GRIP1: variants seen among roughly 807,000 people sequenced by gnomAD.
GRIP1 encodes glutamate receptor interacting protein 1, also known as glutamate receptor-interacting protein 1.
A neutral mutation model predicts 129.9 loss-of-function variants in GRIP1; 45 were observed. That is an observed-to-expected ratio of 0.35 (90% CI 0.27 to 0.44). The LOEUF is 0.44. Among genes scored for constraint, GRIP1 ranks in the 20% least tolerant of loss-of-function variants. The pLI is 1.00. For missense variants in GRIP1, 1,196 were observed against 1,396.8 expected (o/e 0.86, Z 2.29); for synonymous variants, 530 against 520.8 (o/e 1.02, Z -0.24).
chr12:66,945,587 C>T (rs2041655632), intron 1 of GRIP1, among the ~76,000 whole-genome samples: 2 of 152,096 alleles, frequency 1.3e-5, no homozygotes, highest in East Asian at 3.9e-4. Context: ...GGAGGTGCCA[C>T]ATACTTTGAA....
chr12:66,408,998 T>C (rs907214951), intron 15 of GRIP1, among the ~76,000 whole-genome samples: 1 of 152,008 alleles, frequency 6.6e-6, no homozygotes, highest in African/African-American at 2.4e-5. Flanking sequence ...AGCTCAGCTA[T>C]AGTAGAATAG....
chr12:66,533,667 A>G (rs1362814545), intron 4 of GRIP1, among the ~76,000 whole-genome samples: 1 of 152,018 alleles, frequency 6.6e-6, no homozygotes, highest in Non-Finnish European at 1.5e-5. Context: ...ACAAAAATAC[A>G]TAAATATCTA....
intron 1 of GRIP1, among the ~76,000 whole-genome samples, chr12:66,976,741 G>C (rs2042158096): frequency 1.3e-5 from 2 of 152,174 alleles, no homozygotes; most frequent in Non-Finnish European, 2.9e-5. Context: ...GAGTAAGTAT[G>C]ATGTGTCTGG....
At chr12:66,491,940 A>G (rs1239241871) in intron 7 of GRIP1, among the ~76,000 whole-genome samples, 4 of 152,214 alleles carry the variant, frequency 2.6e-5, no homozygotes, top group Non-Finnish European at 5.9e-5. Flanking sequence ...TCGGGGCTGG[A>G]TAAGTGATTC....
intron 15 of GRIP1, among the ~76,000 whole-genome samples, chr12:66,411,558 C>G (rs1026540073): frequency 7.2e-5 from 11 of 152,130 alleles, no homozygotes; most frequent in African/African-American, 2.7e-4. Flanking sequence ...ACTCAAAAAG[C>G]CAGAGTGCTT....
intron 1 of GRIP1, among the ~76,000 whole-genome samples, chr12:66,626,284 G>T (rs1181136196): frequency 6.6e-6 from 1 of 151,102 alleles, no homozygotes; most frequent in Non-Finnish European, 1.5e-5. Flanking sequence ...AGGTTGCAGT[G>T]AGCTGAGACC....
At chr12:67,014,020 C>T (rs1033128790) in intron 1 of GRIP1, among the ~76,000 whole-genome samples, 6 of 152,168 alleles carry the variant, frequency 3.9e-5, no homozygotes, top group African/African-American at 1.4e-4. Flanking sequence ...AGATGTAAAA[C>T]TTAAAAATAC....
rs1379270097 is a variant in GRIP1, at chr12:66,880,061, G to A, written c.58+188989C>T. Among the ~76,000 whole-genome samples, 9 of 152,086 alleles carry A rather than the reference G, an allele frequency of 5.9e-5. No homozygotes were observed. The South Asian group carries it at 1.0e-3, about 18-fold the overall frequency. ...TGTGCAGGGGCGAGAAGGAAATGAG[G>A]GTAGCTGATGATGAGGCACAGAGAG... On this transcript the variant is annotated intron_variant, in intron 1 of 1. Transcript: ENST00000643019.
chr12:66,687,380 G>A (rs2034821908), intron 1 of GRIP1, among the ~76,000 whole-genome samples: 1 of 151,960 alleles, frequency 6.6e-6, no homozygotes, highest in South Asian at 2.1e-4. Flanking sequence ...AATTAAACAT[G>A]GGCAATAGGA....
chr12:66,721,961 G>T (rs942718630), intron 1 of GRIP1, among the ~76,000 whole-genome samples: 8 of 152,198 alleles, frequency 5.3e-5, no homozygotes, highest in Non-Finnish European at 1.0e-4. Flanking sequence ...CAGAATGGAA[G>T]AGGGTTAGGG....
chr12:66,531,235 CAAAAAA>C (rs1168836647), intron 4 of GRIP1, among the ~76,000 whole-genome samples: 21 of 16,424 alleles, frequency 1.3e-3, no homozygotes, highest in African/African-American at 4.0e-3. Flanking sequence ...GACTCTGTCT[CAAAAAA>C]AAAAAAAAAA....
At chr12:66,715,992 A>G (rs1203340889) in intron 1 of GRIP1, among the ~76,000 whole-genome samples, 2 of 151,896 alleles carry the variant, frequency 1.3e-5, no homozygotes, top group Non-Finnish European at 2.9e-5. Context: ...ATTTATTTAT[A>G]CCCATTTCTG....
intron 2 of GRIP1, among the ~76,000 whole-genome samples, chr12:66,580,501 C>T (rs1295613236): frequency 6.6e-6 from 1 of 152,066 alleles, no homozygotes; most frequent in Non-Finnish European, 1.5e-5. Flanking sequence ...GTGTGTTGTA[C>T]TCAGGAAACC....
intron 5 of GRIP1, among the ~76,000 whole-genome samples, chr12:66,527,537 T>C (rs1029401691): frequency 1.3e-5 from 2 of 149,526 alleles, no homozygotes; most frequent in Non-Finnish European, 3.0e-5. Flanking sequence ...GGTGTGGGGA[T>C]GGGGGAGGGA....
chr12:66,877,178 G>T (rs1357358520), intron 1 of GRIP1, among the ~76,000 whole-genome samples: 5 of 151,966 alleles, frequency 3.3e-5, no homozygotes, highest in Non-Finnish European at 7.4e-5. Flanking sequence ...CAGCATTTGA[G>T]GCTGCCCCAT....
rs111539859 is a variant in GRIP1, at chr12:67,054,634, C to G, written c.58+14416G>C. ...CAAAAATTAGTCAGCCATGGTGGTGCGCACCTGTAATCCCAGGTACTCAAA... is the reference window on the plus strand; with the variant it reads ...CAAAAATTAGTCAGCCATGGTGGTGGGCACCTGTAATCCCAGGTACTCAAA... On this transcript the variant is annotated intron_variant, in intron 1 of 1. Transcript: ENST00000643019. Among the ~76,000 whole-genome samples the G allele has an allele frequency of 6.2e-3, 941 of 151,788 alleles. 11 individuals are homozygous for G. The highest frequency in any genetic ancestry group is 0.021 in the African/African-American group (853 of 41,354).
intron 1 of GRIP1, among the ~76,000 whole-genome samples, chr12:66,983,249 C>T (rs2135601865): frequency 6.6e-6 from 1 of 152,256 alleles, no homozygotes; most frequent in East Asian, 1.9e-4. Context: ...AACTAATTTA[C>T]TCCTTTTCCA....
Position 66,377,296 on chromosome 12 carries a change from G to A in GRIP1, c.2622-11C>T, listed in dbSNP as rs1263087733. On this transcript the variant is annotated splice_polypyrimidine_tract_variant and intron_variant, in intron 20 of 24. Transcript: ENST00000359742. ...GCAGCCCCTGCAAAACTGTTGTCAA[G>A]AAACACAGGCTGGGTTAGGAACTTG... 1 of 1,525,306 alleles carries A rather than the reference G, an allele frequency of 6.6e-7. No individual in the cohort carries two copies. The allele number at this position is 1,525,306 out of a possible 1,614,324, so 94.5% of individuals were successfully genotyped here. A position where few individuals can be genotyped will look rare whatever the true frequency, so the allele number is the denominator to read the frequency against.
At chr12:66,690,512 G>C (rs866953627) in intron 1 of GRIP1, among the ~76,000 whole-genome samples, 2 of 151,506 alleles carry the variant, frequency 1.3e-5, no homozygotes, top group African/African-American at 4.8e-5. Context: ...TCAAGATGCC[G>C]ATTTCATTTC....
Sources: gnomAD v4.1 joint callset for allele counts (sites outside exome capture counted in the v4.1 genomes callset) on GRCh38, gnomAD v4.1.1 for gene constraint, MANE v1.5 for transcripts, NCBI Gene and HGNC (gene_info 2026-07-23, HGNC 2026-07-21) for gene names.